The following FOXO3 variants were observed in gnomAD, a reference collection of about 807,000 sequenced individuals.
FOXO3 encodes the protein forkhead box O3, also known as forkhead box protein O3.
FOXO3 carries 4 observed loss-of-function variants against 41.9 expected under a neutral mutation model. That is an observed-to-expected ratio of 0.10 (90% CI 0.05 to 0.22). The LOEUF is 0.22. Among genes scored for constraint, FOXO3 ranks in the 10% least tolerant of loss-of-function variants. FOXO3 has a pLI of 1.00. For missense variants in FOXO3, 534 were observed against 906.8 expected (o/e 0.59, Z 5.28); for synonymous variants, 318 against 389.3 (o/e 0.82, Z 2.16).
chr6:108,610,178 T>C (rs1393197924), intron 1 of FOXO3, among the ~76,000 whole-genome samples: 1 of 152,212 alleles, frequency 6.6e-6, no homozygotes, highest in African/African-American at 2.4e-5. Flanking sequence ...TATAATTTAT[T>C]TAATTATTTC....
chr6:108,680,926 T>A lies in FOXO3; in HGVS notation c.*1134T>A, dbSNP rs894294198. The A allele has an allele frequency of 3.9e-5, 6 of 152,658 alleles. No homozygotes were observed. The highest frequency in any genetic ancestry group is 8.8e-5 in the Non-Finnish European group (6 of 68,044). 9.5% of individuals were successfully genotyped at this position (152,658 alleles called of 1,614,324 possible). A position where few individuals can be genotyped will look rare whatever the true frequency, so the allele number is the denominator to read the frequency against. On this transcript the variant is annotated 3_prime_UTR_variant, in exon 3 of 3. Coordinates refer to ENST00000406360, the MANE Select transcript of FOXO3 (RefSeq NM_001455.4). ...CATCCTTGATTATTTTCAGCCTTGCTATATAATCTGATCTGCTAGAAGTGT... is the reference window on the plus strand; with the variant it reads ...CATCCTTGATTATTTTCAGCCTTGCAATATAATCTGATCTGCTAGAAGTGT...
intron 1 of FOXO3, among the ~76,000 whole-genome samples, chr6:108,571,648 G>A (rs540639040): frequency 6.6e-6 from 1 of 152,164 alleles, no homozygotes; most frequent in Non-Finnish European, 1.5e-5. Context: ...GCCAGGAGCC[G>A]CCAGAAGCTG....
rs35632295 is a variant in FOXO3 at position 108,616,156 on chromosome 6, G to GTT, written c.622-47274_622-47273dup. 1.2e-3 allele frequency among the ~76,000 whole-genome samples: 65 copies of GTT among 55,154 alleles called. 2 individuals carry two copies. Among genetic ancestry groups the GTT allele is most frequent in the African/African-American group, 3.0e-3 (48 of 16,254 alleles). 36.2% of individuals were successfully genotyped at this position (55,154 alleles called of 152,430 possible). A position where few individuals can be genotyped will look rare whatever the true frequency, so the allele number is the denominator to read the frequency against. On this transcript the variant is annotated intron_variant, in intron 1 of 2. Coordinates refer to ENST00000406360, the MANE Select transcript of FOXO3 (RefSeq NM_001455.4). ...GTATGTGCCATCACGCCCAACTAAGGTTTTTTTTTTTTTTTTTTTTTTTTT... is the reference window on the plus strand; with the variant it reads ...GTATGTGCCATCACGCCCAACTAAGGTTTTTTTTTTTTTTTTTTTTTTTTTTT...
chr6:108,583,928 G>T (rs1306238687), intron 1 of FOXO3, among the ~76,000 whole-genome samples: 2 of 152,144 alleles, frequency 1.3e-5, no homozygotes, highest in African/African-American at 4.8e-5. Flanking sequence ...CACCCAGATG[G>T]TTGGAAGTTC....
chr6:108,662,204 C>G (rs895443266), intron 1 of FOXO3, among the ~76,000 whole-genome samples: 2 of 152,078 alleles, frequency 1.3e-5, no homozygotes, highest in African/African-American at 4.8e-5. Flanking sequence ...TGTCTGATGT[C>G]TTTCTCATGC....
At chr6:108,670,828 T>C (rs1004363919) in intron 2 of FOXO3, among the ~76,000 whole-genome samples, 4 of 152,194 alleles carry the variant, frequency 2.6e-5, no homozygotes, top group Non-Finnish European at 5.9e-5. Flanking sequence ...GTCATATATC[T>C]AGTGTTTCTC....
intron 1 of FOXO3, 37 bp downstream of exon 1, chr6:108,561,866 G>C: frequency 6.6e-7 from 1 of 1,506,562 alleles, no homozygotes; most frequent in Non-Finnish European, 8.9e-7. Context: ...AGGACCCGCC[G>C]GGCCTCCTGC....
At chr6:108,576,763 T>C (rs1019461737) in intron 1 of FOXO3, among the ~76,000 whole-genome samples, 1 of 152,230 alleles carries the variant, frequency 6.6e-6, no homozygotes, top group African/African-American at 2.4e-5. Context: ...GATTTTCACC[T>C]GACATCTTTG....
chr6:108,587,851 C>T (rs1776625832), intron 1 of FOXO3, among the ~76,000 whole-genome samples: 1 of 152,216 alleles, frequency 6.6e-6, no homozygotes, highest in African/African-American at 2.4e-5. Flanking sequence ...ATAGGACACA[C>T]ATAAATATTT....
chr6:108,607,892 C>G (rs1461033260), intron 1 of FOXO3, among the ~76,000 whole-genome samples: 1 of 152,152 alleles, frequency 6.6e-6, no homozygotes, highest in Non-Finnish European at 1.5e-5. Flanking sequence ...TAAAGGAGAT[C>G]CCATCCTAAT....
At chr6:108,596,580 G>A (rs17532643) in intron 1 of FOXO3, among the ~76,000 whole-genome samples, 5,649 of 152,140 alleles carry the variant, frequency 0.037, 146 homozygotes, top group Middle Eastern at 0.095. Context: ...AATGGAAATC[G>A]GAGATGGGTC....
Position 108,664,846 on chromosome 6 carries a change from G to A in FOXO3, c.2013G>A (p.Val671=). 1 of 1,573,730 alleles carries A rather than the reference G, an allele frequency of 6.4e-7. No individual in the cohort carries two copies. The highest frequency in any genetic ancestry group is 8.6e-7 in the Non-Finnish European group (1 of 1,161,534). ...AGCAGGCCTCATCTCAGAGCTGGGT[G>A]CCAGGCTGAAGGATCACTGAGGAAG... ...GAKQASSQSW[V]PG Residue 671 remains valine (V), a synonymous_variant, in exon 2 of 3, where the codon GTG becomes GTA. Transcript: ENST00000406360.
At chr6:108,634,233 T>G (rs981397963) in intron 1 of FOXO3, among the ~76,000 whole-genome samples, 1 of 152,164 alleles carries the variant, frequency 6.6e-6, no homozygotes, top group Non-Finnish European at 1.5e-5. Context: ...ACTGCTGACG[T>G]GTGTGCGTGT....
chr6:108,619,889 G>T (rs1404734010), intron 1 of FOXO3, among the ~76,000 whole-genome samples: 1 of 152,164 alleles, frequency 6.6e-6, no homozygotes, highest in Non-Finnish European at 1.5e-5. Flanking sequence ...ACTTAAGCTT[G>T]GTTGCAAAGC....
intron 1 of FOXO3, among the ~76,000 whole-genome samples, chr6:108,626,895 C>A (rs1033695817): frequency 2.2e-4 from 34 of 152,108 alleles, no homozygotes; most frequent in African/African-American, 8.2e-4. Context: ...TTTTTTGACA[C>A]GAAAAGGTTG....
intron 1 of FOXO3, among the ~76,000 whole-genome samples, chr6:108,655,930 C>T (rs1484366111): frequency 6.6e-6 from 1 of 152,230 alleles, no homozygotes; most frequent in Non-Finnish European, 1.5e-5. Flanking sequence ...GTGAGACCCA[C>T]TTGAAATGCT....
intron 1 of FOXO3, among the ~76,000 whole-genome samples, chr6:108,622,931 G>GAAA (rs534351537): frequency 1.9e-5 from 2 of 107,716 alleles, no homozygotes; most frequent in Non-Finnish European, 2.0e-5. Context: ...GGGCCTTTTA[G>GAAA]AAAAAAAAAA....
At chr6:108,666,864 A>C (rs1026522031) in intron 2 of FOXO3, among the ~76,000 whole-genome samples, 2 of 152,128 alleles carry the variant, frequency 1.3e-5, no homozygotes, top group African/African-American at 4.8e-5. Flanking sequence ...CGATGTTAAC[A>C]GGTTCTGTTC....
intron 1 of FOXO3, among the ~76,000 whole-genome samples, chr6:108,633,747 G>A (rs1002028873): frequency 3.3e-5 from 5 of 152,026 alleles, no homozygotes; most frequent in African/African-American, 1.2e-4. Flanking sequence ...GTTATAAGTG[G>A]CTGTTGAGGG....
Sources: gnomAD v4.1 joint callset for allele counts (sites outside exome capture counted in the v4.1 genomes callset) on GRCh38, gnomAD v4.1.1 for gene constraint, MANE v1.5 for transcripts, NCBI Gene and HGNC (gene_info 2026-07-23, HGNC 2026-07-21) for gene names.